CLDN10: variants seen among roughly 807,000 people sequenced by gnomAD.
CLDN10 encodes the protein claudin-10.
In CLDN10, 15 loss-of-function variants were observed where a neutral mutation model predicts 22.9. The ratio of observed to expected loss-of-function variants is 0.65; its 90% confidence interval spans 0.44 to 1.01. CLDN10 has a LOEUF of 1.01. Ranked by LOEUF, CLDN10 falls within the 50% of genes least tolerant of loss-of-function variation. CLDN10 has a pLI of 0.00. For missense variants in CLDN10, 247 were observed against 287.8 expected, an observed-to-expected ratio of 0.86 and a Z score of 1.03; for synonymous variants, 114 against 111.4, an observed-to-expected ratio of 1.02 and a Z score of -0.15.
intron 1 of CLDN10, among the ~76,000 whole-genome samples, chr13:95,519,705 A>G (rs2043205762): frequency 6.6e-6 from 1 of 152,112 alleles, no homozygotes. Flanking sequence ...GCCACAGGGC[A>G]AGTCTTTGCT....
chr13:95,444,717 G>T (rs2042355791), intron 1 of CLDN10, among the ~76,000 whole-genome samples: 1 of 152,172 alleles, frequency 6.6e-6, no homozygotes, highest in South Asian at 2.1e-4. Context: ...TGAGAAGAAT[G>T]CCTGACATTT....
chr13:95,519,048 C>T (rs1171441307), intron 1 of CLDN10, among the ~76,000 whole-genome samples: 1 of 152,148 alleles, frequency 6.6e-6, no homozygotes, highest in Non-Finnish European at 1.5e-5. Context: ...CTTAATCTCT[C>T]TGCACCTCAG....
chr13:95,529,229 A>G (rs998655489), intron 1 of CLDN10, among the ~76,000 whole-genome samples: 2 of 152,098 alleles, frequency 1.3e-5, no homozygotes, highest in Admixed American at 1.3e-4. Flanking sequence ...AACAGATACT[A>G]TTGAGATCTC....
chr13:95,545,892 A>G (rs1442846810), intron 1 of CLDN10, among the ~76,000 whole-genome samples: 1 of 152,214 alleles, frequency 6.6e-6, no homozygotes, highest in Non-Finnish European at 1.5e-5. Context: ...GGCTGAGAGC[A>G]CGGGCCAGAG....
At chr13:95,523,246 T>A (rs577864391) in intron 1 of CLDN10, among the ~76,000 whole-genome samples, 81 of 152,178 alleles carry the variant, frequency 5.3e-4, no homozygotes, top group Non-Finnish European at 8.4e-4. Context: ...AACTGACTTA[T>A]TGATTCTAAT....
intron 1 of CLDN10, among the ~76,000 whole-genome samples, chr13:95,531,585 C>T (rs1421190275): frequency 6.6e-6 from 1 of 152,004 alleles, no homozygotes; most frequent in African/African-American, 2.4e-5. Context: ...GACTGAAGTG[C>T]AGTGGTGCAA....
chr13:95,477,375 G>A (rs1337571432), intron 1 of CLDN10, among the ~76,000 whole-genome samples: 1 of 152,166 alleles, frequency 6.6e-6, no homozygotes, highest in Non-Finnish European at 1.5e-5. Flanking sequence ...GATTAGGGCA[G>A]GGGGATAGTG....
intron 3 of CLDN10, among the ~76,000 whole-genome samples, chr13:95,573,499 G>A (rs1449449486): frequency 6.6e-6 from 1 of 152,178 alleles, no homozygotes; most frequent in East Asian, 1.9e-4. Flanking sequence ...CTGAAATTTG[G>A]ATAATCTTAC....
chr13:95,490,053 C>T (rs1237697613), intron 1 of CLDN10, among the ~76,000 whole-genome samples: 2 of 152,106 alleles, frequency 1.3e-5, no homozygotes, highest in African/African-American at 4.8e-5. Context: ...TTTCTGGGTT[C>T]TCTATTCTGT....
chr13:95,484,770 G>A (rs1488905481), intron 1 of CLDN10, among the ~76,000 whole-genome samples: 1 of 150,220 alleles, frequency 6.7e-6, no homozygotes, highest in African/African-American at 2.4e-5. Flanking sequence ...GGAGGCTGAG[G>A]CACAAGAATC....
chr13:95,466,685 T>G (rs908121083), intron 1 of CLDN10, among the ~76,000 whole-genome samples: 1 of 152,080 alleles, frequency 6.6e-6, no homozygotes, highest in African/African-American at 2.4e-5. Flanking sequence ...TAACTTGTCA[T>G]TGATGCCTTA....
chr13:95,510,943 T>C (rs2043090354), intron 1 of CLDN10, among the ~76,000 whole-genome samples: 1 of 152,062 alleles, frequency 6.6e-6, no homozygotes, highest in South Asian at 2.1e-4. Context: ...AAAACAAAGG[T>C]ACTAAGAAAA....
chr13:95,523,218 G>A (rs1310030597), intron 1 of CLDN10, among the ~76,000 whole-genome samples: 1 of 151,196 alleles, frequency 6.6e-6, no homozygotes, highest in Non-Finnish European at 1.5e-5. Flanking sequence ...TAGTCTCTTA[G>A]TTGTTCCCCT....
chr13:95,472,343 G>A (rs1040635167), intron 1 of CLDN10, among the ~76,000 whole-genome samples: 3 of 152,000 alleles, frequency 2.0e-5, no homozygotes, highest in African/African-American at 7.3e-5. Flanking sequence ...AAAATAAAAG[G>A]CTAAAAGAAA....
intron 1 of CLDN10, among the ~76,000 whole-genome samples, chr13:95,441,040 C>T (rs1594520021): frequency 6.6e-6 from 1 of 152,210 alleles, no homozygotes; most frequent in East Asian, 1.9e-4. Context: ...CTCATTTATC[C>T]TGGTCTCCCC....
At chr13:95,528,781 C>G (rs937977282) in intron 1 of CLDN10, among the ~76,000 whole-genome samples, 7 of 152,160 alleles carry the variant, frequency 4.6e-5, no homozygotes, top group Non-Finnish European at 7.3e-5. Flanking sequence ...GGAGATCTGA[C>G]TGCATTAATG....
At chr13:95,553,100 C>T in intron 1 of CLDN10, 127 bp downstream of exon 1, 1 of 1,317,360 alleles carries the variant, frequency 7.6e-7, no homozygotes, top group East Asian at 2.5e-5. Context: ...CGACCCGTCT[C>T]TCCCAACAGG....
rs2043975083 is a variant in CLDN10, at chr13:95,578,836, CTG to C, written c.*824_*825del. 6.6e-6 allele frequency: 1 copy of C among 152,198 alleles called. No individual in the cohort carries two copies. Among genetic ancestry groups the C allele is most frequent in the South Asian group, 2.1e-4 (1 of 4,832 alleles). 9.4% of individuals were successfully genotyped at this position (152,198 alleles called of 1,614,324 possible). On this transcript the variant is annotated 3_prime_UTR_variant, in exon 5 of 5. Transcript: ENST00000299339. ...GGTTTCTTACATGTGCCTGTCATGA[CTG>C]TAATTCATTATGACTGCTCCAGGAA...
chr13:95,497,567 G>A (rs534821661), intron 1 of CLDN10, among the ~76,000 whole-genome samples: 120 of 152,302 alleles, frequency 7.9e-4, no homozygotes, highest in African/African-American at 2.7e-3. Flanking sequence ...ATTTGGACTC[G>A]TGGTAGTGTC....
Sources: gnomAD v4.1 joint callset for allele counts (sites outside exome capture counted in the v4.1 genomes callset) on GRCh38, gnomAD v4.1.1 for gene constraint, MANE v1.5 for transcripts, NCBI Gene and HGNC (gene_info 2026-07-23, HGNC 2026-07-21) for gene names.